The following SIPA1L3 variants were observed in gnomAD, a reference collection of about 807,000 sequenced individuals.
SIPA1L3 encodes signal induced proliferation associated 1 like 3, also known as signal-induced proliferation-associated 1-like protein 3.
SIPA1L3 carries 59 observed loss-of-function variants against 150.1 expected under a neutral mutation model. That is an observed-to-expected ratio of 0.39 (90% CI 0.32 to 0.49). The LOEUF (loss-of-function observed/expected upper bound fraction) is 0.49. Ranked by LOEUF, SIPA1L3 falls within the 20% of genes least tolerant of loss-of-function variation. The probability of loss-of-function intolerance (pLI) is 0.86; values close to 1 mark genes in which losing one functional copy is unlikely to be tolerated. For synonymous variants in SIPA1L3, 1,070 were observed against 1,077.6 expected, an observed-to-expected ratio of 0.99 and a Z score of 0.14; for missense variants, 2,211 against 2,489.5, an observed-to-expected ratio of 0.89 and a Z score of 2.38.
intron 1 of SIPA1L3, among the ~76,000 whole-genome samples, chr19:37,957,913 C>T (rs999178901): frequency 1.3e-4 from 19 of 151,416 alleles, no homozygotes; most frequent in East Asian, 9.7e-4. Flanking sequence ...AGGGTTTTGC[C>T]GTGTTGCCCA....
chr19:38,171,555 G>C (rs1412491663), intron 15 of SIPA1L3, among the ~76,000 whole-genome samples: 1 of 151,698 alleles, frequency 6.6e-6, no homozygotes, highest in East Asian at 1.9e-4. Flanking sequence ...ACCACGCCCG[G>C]CTAATTTTTG....
chr19:37,909,737 T>C (rs2046363106), intron 1 of SIPA1L3, among the ~76,000 whole-genome samples: 1 of 152,088 alleles, frequency 6.6e-6, no homozygotes, highest in Non-Finnish European at 1.5e-5. Context: ...CGGCTTAGAA[T>C]ATCCCGTGTG....
Position 37,962,447 on chromosome 19 carries a change from A to G in SIPA1L3, c.-379+55089A>G, listed in dbSNP as rs1293433677. 8.7e-5 allele frequency among the ~76,000 whole-genome samples: 11 copies of G among 127,110 alleles called. No individual in the cohort carries two copies. In the East Asian group the frequency reaches 2.6e-3, roughly 31 times the overall value. 83.4% of individuals were successfully genotyped at this position (127,110 alleles called of 152,430 possible). ...GTGTGAGCCACCGTGCTTGGCCATG[A>G]GCCACTGCAGCCGGCCTTTTTTTTT... On this transcript the variant is annotated intron_variant, in intron 1 of 21. Transcript: ENST00000222345.
intron 15 of SIPA1L3, among the ~76,000 whole-genome samples, chr19:38,165,232 G>C (rs1972183922): frequency 6.6e-6 from 1 of 152,136 alleles, no homozygotes; most frequent in Non-Finnish European, 1.5e-5. Flanking sequence ...AAGGGTCACA[G>C]ACTGTATCTG....
chr19:37,987,753 T>A (rs1165610482), intron 1 of SIPA1L3, among the ~76,000 whole-genome samples: 3 of 149,238 alleles, frequency 2.0e-5, no homozygotes, highest in African/African-American at 7.7e-5. Context: ...CAGGCCCCAG[T>A]GGGGATACAA....
intron 5 of SIPA1L3, among the ~76,000 whole-genome samples, chr19:38,100,776 T>C (rs1970484039): frequency 6.6e-6 from 1 of 152,174 alleles, no homozygotes. Context: ...GTCTCTTTCA[T>C]GCAAGTGTGG....
At chr19:38,102,593 A>G (rs1463579857) in intron 6 of SIPA1L3, among the ~76,000 whole-genome samples, 40 of 101,696 alleles carry the variant, frequency 3.9e-4, no homozygotes, top group African/African-American at 5.3e-4. Context: ...CCTGTCTCTG[A>G]AAAAAAAAAA....
rs1376638975 is a variant in SIPA1L3 at position 38,119,725 on chromosome 19, C to T, written c.2711C>T (p.Thr904Ile). Residue 904 changes from threonine (T) to isoleucine (I), a missense_variant, in exon 9 of 22, where the codon ACC (threonine) becomes ATC (isoleucine). Coordinates refer to ENST00000222345, the MANE Select transcript of SIPA1L3 (RefSeq NM_015073.3). The stretch of plus-strand genomic sequence containing the variant: ...TTTGTGGTGCTCCTGGACTTACGCA[C>T]CAAGGAGGTGGTGTTCAACTGCTAC... The part of the protein sequence containing the change: ...NEFVVLLDLR[T>I]KEVVFNCYCG... The T allele has an allele frequency of 6.2e-7, 1 of 1,614,116 alleles. No individual in the cohort carries two copies. The highest frequency in any genetic ancestry group is 8.5e-7 in the Non-Finnish European group (1 of 1,180,022).
intron 1 of SIPA1L3, among the ~76,000 whole-genome samples, chr19:37,927,789 A>T (rs1034233807): frequency 3.3e-5 from 5 of 151,974 alleles, no homozygotes; most frequent in South Asian, 2.1e-4. Flanking sequence ...AAGTAAGAAC[A>T]TTGGATATTT....
intron 15 of SIPA1L3, among the ~76,000 whole-genome samples, chr19:38,171,173 C>T (rs910728601): frequency 1.3e-5 from 2 of 151,784 alleles, no homozygotes; most frequent in East Asian, 1.9e-4. Context: ...ATTAGAGTTG[C>T]GTGTGCAAAG....
At chr19:38,062,713 C>G (rs777099374) in intron 2 of SIPA1L3, among the ~76,000 whole-genome samples, 1 of 152,072 alleles carries the variant, frequency 6.6e-6, no homozygotes, top group Non-Finnish European at 1.5e-5. Context: ...TGCTGCCTCA[C>G]GGGCTCAAGC....
At chr19:38,043,319 G>A (rs570501361) in intron 2 of SIPA1L3, among the ~76,000 whole-genome samples, 9 of 152,216 alleles carry the variant, frequency 5.9e-5, no homozygotes, top group Admixed American at 5.2e-4. Flanking sequence ...CAGCCTGGGC[G>A]ACAGAGCGAG....
Position 38,141,269 on chromosome 19 carries a change from C to G in SIPA1L3, c.3229C>G (p.Arg1077Gly), listed in dbSNP as rs780404050. The G allele has an allele frequency of 1.2e-6, 2 of 1,613,792 alleles. No homozygotes were observed. Among genetic ancestry groups the G allele is most frequent in the Non-Finnish European group, 1.7e-6 (2 of 1,179,892 alleles). Residue 1077 changes from arginine (R) to glycine (G), a missense_variant, in exon 11 of 22, where the codon CGC becomes GGC. By Grantham distance (125) the Arg-to-Gly change is moderately radical (BLOSUM62 -2). Coordinates refer to ENST00000222345, the MANE Select transcript of SIPA1L3 (RefSeq NM_015073.3). ...SITPGGRPPY[R>G]SNAPWQWSGP... is the part of the protein sequence containing the mutation. ...CACTCCTGGGGGCCGGCCCCCCTAC[C>G]GCAGCAATGCTCCCTGGCAGTGGAG... is the stretch of plus-strand genomic sequence containing the variant.
intron 9 of SIPA1L3, among the ~76,000 whole-genome samples, chr19:38,127,122 G>A (rs1177216435): frequency 6.6e-6 from 1 of 152,112 alleles, no homozygotes; most frequent in African/African-American, 2.4e-5. Context: ...AATCCAGGAA[G>A]CGGAGGTTGC....
chr19:38,021,583 C>G (rs1299136392), intron 1 of SIPA1L3, among the ~76,000 whole-genome samples: 2 of 151,740 alleles, frequency 1.3e-5, no homozygotes, highest in Non-Finnish European at 2.9e-5. Context: ...GCTCTGTCAC[C>G]CAGGCTGCAA....
intron 8 of SIPA1L3, among the ~76,000 whole-genome samples, chr19:38,112,383 T>TG (rs1970784613): frequency 6.6e-6 from 1 of 152,034 alleles, no homozygotes; most frequent in South Asian, 2.1e-4. Flanking sequence ...GTTGAGCTGG[T>TG]GGGGGGAGCT....
At chr19:38,067,616 G>C (rs1347031927) in intron 2 of SIPA1L3, among the ~76,000 whole-genome samples, 1 of 152,054 alleles carries the variant, frequency 6.6e-6, no homozygotes, top group Non-Finnish European at 1.5e-5. Context: ...ACAAAAATTA[G>C]CTGGGCATGG....
chr19:37,947,516 C>A (rs545827367), intron 1 of SIPA1L3, among the ~76,000 whole-genome samples: 1 of 152,136 alleles, frequency 6.6e-6, no homozygotes, highest in South Asian at 2.1e-4. Flanking sequence ...CCAACTCCCC[C>A]ACCTCAGTAG....
At chr19:38,139,392 A>G (rs1236255473) in intron 10 of SIPA1L3, among the ~76,000 whole-genome samples, 1 of 152,206 alleles carries the variant, frequency 6.6e-6, no homozygotes, top group Admixed American at 6.5e-5. Context: ...AAGACCTGTT[A>G]TCAGGAGAGG....
Sources: gnomAD v4.1 joint callset for allele counts (sites outside exome capture counted in the v4.1 genomes callset) on GRCh38, gnomAD v4.1.1 for gene constraint, MANE v1.5 for transcripts, NCBI Gene and HGNC (gene_info 2026-07-23, HGNC 2026-07-21) for gene names.